Variants in TAF1 observed in about 807,000 individuals in gnomAD.
TAF1 encodes the protein TATA-box binding protein associated factor 1, also known as transcription initiation factor TFIID subunit 1.
TAF1 carries 2 observed loss-of-function variants against 138.5 expected under a neutral mutation model. The observed-to-expected ratio is 0.01, with a 90% CI of 0.01 to 0.05. The LOEUF is 0.05. TAF1 is among the 10% of genes least tolerant of loss of function. The pLI is 1.00. For missense variants in TAF1, 709 were observed against 1,478.0 expected, an observed-to-expected ratio of 0.48 and a Z score of 8.53; for synonymous variants, 437 against 503.2, an observed-to-expected ratio of 0.87 and a Z score of 1.76.
At chrX:71,385,355 T>G (rs1179011532) in intron 14 of TAF1, among the ~76,000 whole-genome samples, 1 of 112,139 alleles carries the variant, frequency 8.9e-6, no homozygotes, top group Non-Finnish European at 1.9e-5. Context: ...CTATAATTTA[T>G]GAATATTTAA....
intron 35 of TAF1, 144 bp from the exon 36 acceptor site, chrX:71,459,408 C>G: frequency 1.9e-6 from 2 of 1,043,925 alleles, no homozygotes; most frequent in Non-Finnish European, 2.5e-6. Flanking sequence ...AACAGTCTAT[C>G]CACCAAAAAT....
At chrX:71,386,162 A>G (rs1476306430) in intron 14 of TAF1, among the ~76,000 whole-genome samples, 1 of 94,596 alleles carries the variant, frequency 1.1e-5, no homozygotes, top group African/African-American at 4.3e-5. Context: ...ACTCCATCTC[A>G]AAAAAAAAAA....
In TAF1 at chrX:71,424,066, G is replaced by A; in HGVS notation, c.4668G>A (p.Lys1556=). ...VNPMDLETIR[K]NISKHKYQSR... is the part of the protein sequence containing the mutation. Reference sequence around the variant, plus strand: ...CAATGGATTTAGAGACCATACGTAAGGTGAGTGAGTGATTTGATCTAAATG... The same window carrying A: ...CAATGGATTTAGAGACCATACGTAAAGTGAGTGAGTGATTTGATCTAAATG... The change falls in exon 31 of 38, where the codon AAG becomes AAA. Residue 1556 remains lysine (K), a splice_region_variant and synonymous_variant. Coordinates refer to ENST00000423759, the MANE Select transcript of TAF1 (RefSeq NM_004606.5). The A allele has an allele frequency of 8.3e-7, 1 of 1,207,408 alleles. No individual in the cohort carries two copies. The highest frequency in any genetic ancestry group is 1.8e-5 in the South Asian group (1 of 56,642).
intron 13 of TAF1, among the ~76,000 whole-genome samples, chrX:71,495,552 A>C (rs2039381057): frequency 8.9e-6 from 1 of 111,966 alleles, no homozygotes; most frequent in East Asian, 2.8e-4. Flanking sequence ...CTCTTCCCCT[A>C]AGAAGGTGCA....
Position 71,377,326 on chromosome X carries a change from A to C in TAF1, c.714+135A>C, listed in dbSNP as rs776725558. On this transcript the variant is annotated intron_variant, in intron 5 of 37. Coordinates refer to ENST00000423759, the MANE Select transcript of TAF1 (RefSeq NM_004606.5). ...ATTATTGGCTACATAAGAGCTCTTC[A>C]CACTGTATTAGGTCTTTTTTTTAAA... 178 of 970,798 alleles carry C rather than the reference A, an allele frequency of 1.8e-4. 1 individual carries two copies. In the South Asian group the frequency reaches 4.2e-3, roughly 23 times the overall value. The allele number at this position is 970,798 out of a possible 1,213,427, so 80.0% of individuals were successfully genotyped here.
intron 32 of TAF1, among the ~76,000 whole-genome samples, chrX:71,445,237 T>G (rs1419131751): frequency 9.5e-6 from 1 of 104,899 alleles, no homozygotes; most frequent in Admixed American, 1.0e-4. Context: ...GAGGTGGAGG[T>G]TGCAGTGAGT....
downstream of TAF1, among the ~76,000 whole-genome samples, chrX:71,468,829 C>CG (rs1217873144): frequency 2.9e-5 from 3 of 103,216 alleles, no homozygotes; most frequent in African/African-American, 7.2e-5. Context: ...CCTGTCTCTA[C>CG]GAAAAAAAAA....
At chrX:71,462,866 GAAT>G (rs2038611048) in intron 37 of TAF1, among the ~76,000 whole-genome samples, 1 of 111,642 alleles carries the variant, frequency 9.0e-6, no homozygotes, top group South Asian at 3.7e-4. Flanking sequence ...TATTTTATGG[GAAT>G]AATTAACACA....
At chrX:71,424,672 G>T (rs1415724782) in intron 32 of TAF1, among the ~76,000 whole-genome samples, 1 of 111,924 alleles carries the variant, frequency 8.9e-6, no homozygotes, top group African/African-American at 3.2e-5. Flanking sequence ...GCCCAGGCAG[G>T]AGTGCAATGG....
At chrX:71,466,847 T>C (rs1220269836), downstream of TAF1, among the ~76,000 whole-genome samples, 2 of 112,077 alleles carry the variant, frequency 1.8e-5, no homozygotes, top group Admixed American at 9.5e-5. Flanking sequence ...AAGTAAGATA[T>C]AGTTCCTGAT....
chrX:71,366,607 C>G (rs2032514417), intron 1 of TAF1, 113 bp downstream of exon 1: 1 of 802,835 alleles, frequency 1.2e-6, no homozygotes, highest in Non-Finnish European at 1.7e-6. Context: ...GCAGCTAACG[C>G]CGGGGAGGAG....
At chrX:71,506,601 A>C (rs1026087734) in intron 13 of TAF1, among the ~76,000 whole-genome samples, 3 of 106,971 alleles carry the variant, frequency 2.8e-5, no homozygotes, top group Non-Finnish European at 5.8e-5. Context: ...AGGCTGAGGC[A>C]GAAGAATGGC....
At chrX:71,480,303 G>GA (rs1255171474) in intron 13 of TAF1, among the ~76,000 whole-genome samples, 6 of 111,505 alleles carry the variant, frequency 5.4e-5, no homozygotes, top group Admixed American at 9.6e-5. Context: ...GCTGAGGCAA[G>GA]AGGATCCCTT....
chrX:71,383,131 A>G lies in TAF1; in HGVS notation c.1914A>G (p.Gln638=), dbSNP rs775062454. 11 of 1,209,996 alleles carry G rather than the reference A, an allele frequency of 9.1e-6. No individual in the cohort carries two copies. Among genetic ancestry groups the G allele is most frequent in the Non-Finnish European group, 1.2e-5 (11 of 895,186 alleles). The part of the protein sequence containing the change: ...ALSQPGPHSV[Q]PLLKHIKKKA... ...CTCAGCCAGGTCCCCACTCAGTCCA[A>G]CCTTTGCTAAAGCACATCAAAAAAA... Residue 638 remains glutamine, a synonymous_variant, in exon 12 of 38, where the codon CAA becomes CAG. Transcript: ENST00000423759.
At chrX:71,372,072 TG>T (rs1333651437) in intron 3 of TAF1, among the ~76,000 whole-genome samples, 1 of 111,253 alleles carries the variant, frequency 9.0e-6, no homozygotes, top group Non-Finnish European at 1.9e-5. Context: ...ACTTGCAGGC[TG>T]TTCTTGCAGG....
chrX:71,474,014 G>A (rs760186465), intron 13 of TAF1, among the ~76,000 whole-genome samples: 3 of 110,758 alleles, frequency 2.7e-5, no homozygotes, highest in Non-Finnish European at 5.7e-5. Context: ...GCGTGGTGTC[G>A]GGCGCCTGTA....
Position 71,405,255 on chromosome X carries a change from G to T in TAF1, c.3999-1383G>T, listed in dbSNP as rs183997043. Among the ~76,000 whole-genome samples, 314 of 109,022 alleles carry T rather than the reference G, an allele frequency of 2.9e-3. 1 individual carries two copies. Among genetic ancestry groups the T allele is most frequent in the African/African-American group, 0.01 (301 of 29,967 alleles). 94.7% of individuals were successfully genotyped at this position (109,022 alleles called of 115,157 possible). A position where few individuals can be genotyped will look rare whatever the true frequency, so the allele number is the denominator to read the frequency against. On this transcript the variant is annotated intron_variant, in intron 25 of 37. Coordinates refer to ENST00000423759, the MANE Select transcript of TAF1 (RefSeq NM_004606.5). ...ATTACAGGCGTGAGCCACCATGCCC[G>T]GCCTTCCAAACATATTTGAATCACT...
At chrX:71,425,993 C>T (rs1347180491) in intron 32 of TAF1, among the ~76,000 whole-genome samples, 1 of 109,894 alleles carries the variant, frequency 9.1e-6, no homozygotes, top group Non-Finnish European at 1.9e-5. Flanking sequence ...GGTGCGGTAG[C>T]TCACACCTGT....
chrX:71,429,004 G>A (rs567020953), intron 32 of TAF1, among the ~76,000 whole-genome samples: 6 of 111,698 alleles, frequency 5.4e-5, no homozygotes, highest in Non-Finnish European at 7.5e-5. Flanking sequence ...GGCCGGGCGC[G>A]GTGGCTCACG....
Sources: allele counts gnomAD v4.1 joint callset (sites outside exome capture counted in the v4.1 genomes callset), GRCh38; gene constraint gnomAD v4.1.1; transcripts MANE v1.5; gene names NCBI Gene and HGNC (gene_info 2026-07-23, HGNC 2026-07-21).